DHRS7: variants seen among roughly 807,000 people sequenced by gnomAD.
The protein encoded by DHRS7 is dehydrogenase/reductase SDR family member 7.
Under a neutral mutation model 38.9 loss-of-function variants are expected in DHRS7, and 34 were observed. The observed-to-expected ratio is 0.87, with a 90% CI of 0.66 to 1.16. The LOEUF (loss-of-function observed/expected upper bound fraction) is 1.16. Ranked by LOEUF, DHRS7 falls within the 50% of genes most tolerant of loss-of-function variation. The pLI, the probability that DHRS7 is intolerant of heterozygous loss-of-function variation, is 0.00. For synonymous variants in DHRS7, 158 were observed against 153.1 expected (o/e 1.03, Z -0.24); for missense variants, 421 against 407.0 (o/e 1.03, Z -0.30).
Position 60,156,153 on chromosome 14 carries a change from C to T in DHRS7, c.134-1G>A. On this transcript the variant is annotated splice_acceptor_variant, in intron 1 of 6. Transcript: ENST00000557185. LOFTEE classifies it high-confidence loss of function. ...ACCACCATATCAGTCAGCTCCCATT[C>T]TATGGAAGGAATGTAAATGGAAGGA... 4 of 1,560,944 alleles carry T rather than the reference C, an allele frequency of 2.6e-6. No individual in the cohort carries two copies. Among genetic ancestry groups the T allele is most frequent in the Non-Finnish European group, 3.5e-6 (4 of 1,156,484 alleles).
upstream of DHRS7, among the ~76,000 whole-genome samples, chr14:60,168,323 C>A (rs545016074): frequency 6.6e-6 from 1 of 152,184 alleles, no homozygotes; most frequent in Non-Finnish European, 1.5e-5. Flanking sequence ...CTGTTTCAAA[C>A]TTCCCTTTAT....
At chr14:60,150,975 G>A (rs1378803614) in intron 4 of DHRS7, among the ~76,000 whole-genome samples, 1 of 151,986 alleles carries the variant, frequency 6.6e-6, no homozygotes. Context: ...CTCCAAAAGG[G>A]GTATATGTCC....
Position 60,150,194 on chromosome 14 carries a change from G to C in DHRS7, c.634-7C>G. The C allele has an allele frequency of 4.4e-4, 491 of 1,118,654 alleles. No individual in the cohort carries two copies. Among genetic ancestry groups the C allele is most frequent in the East Asian group, 1.2e-3 (35 of 28,128 alleles). The allele number at this position is 1,118,654 out of a possible 1,614,324, so 69.3% of individuals were successfully genotyped here. A position where few individuals can be genotyped will look rare whatever the true frequency, so the allele number is the denominator to read the frequency against. ...GAAGGCCATTAAAAAAACCCTAACAGACAAAAAAAAAAAAAAAGGAAAAAG... is the reference window on the plus strand; with the variant it reads ...GAAGGCCATTAAAAAAACCCTAACACACAAAAAAAAAAAAAAAGGAAAAAG... On this transcript the variant is annotated splice_region_variant and splice_polypyrimidine_tract_variant and intron_variant, in intron 4 of 6. Transcript: ENST00000557185.
intron 1 of DHRS7, among the ~76,000 whole-genome samples, chr14:60,158,459 A>T (rs1896701670): frequency 6.6e-6 from 1 of 151,828 alleles, no homozygotes; most frequent in Non-Finnish European, 1.5e-5. Flanking sequence ...CACACTCTAG[A>T]GTGAATATCA....
At position 60,153,930 on chromosome 14, in the gene DHRS7, A is replaced by T; in HGVS notation, c.393+29T>A. On this transcript the variant is annotated intron_variant, in intron 3 of 6. Transcript: ENST00000557185. This position sits in a 1 kb window ranked among gnomAD's most constrained non-coding sequence, Gnocchi z 4.4. Reference sequence around the variant, plus strand: ...TCTCTTCTGCAGTTACTTCAAAGCAAGACTATATCAATATAAGATGCTACT... The same window carrying T: ...TCTCTTCTGCAGTTACTTCAAAGCATGACTATATCAATATAAGATGCTACT... 16 of 1,589,978 alleles carry T rather than the reference A, an allele frequency of 1.0e-5. No individual in the cohort carries two copies. Among genetic ancestry groups the T allele is most frequent in the Non-Finnish European group, 1.3e-5 (15 of 1,158,228 alleles).
At position 60,150,189 on chromosome 14, in the gene DHRS7, T is replaced by TA; in HGVS notation, c.634-3dup. On this transcript the variant is annotated splice_polypyrimidine_tract_variant and splice_region_variant and intron_variant, in intron 4 of 6. Transcript: ENST00000557185. ...TGTTCGAAGGCCATTAAAAAAACCCTAACAGACAAAAAAAAAAAAAAAGGA... is the reference window on the plus strand; with the variant it reads ...TGTTCGAAGGCCATTAAAAAAACCCTAAACAGACAAAAAAAAAAAAAAAGGA... 3.3e-6 allele frequency: 4 copies of TA among 1,215,838 alleles called. No homozygotes were observed. The highest frequency in any genetic ancestry group is 2.7e-5 in the South Asian group (1 of 37,644). 75.3% of individuals were successfully genotyped at this position (1,215,838 alleles called of 1,614,324 possible). A position where few individuals can be genotyped will look rare whatever the true frequency, so the allele number is the denominator to read the frequency against.
At chr14:60,167,654 C>G (rs931220538), upstream of DHRS7, among the ~76,000 whole-genome samples, 1 of 152,200 alleles carries the variant, frequency 6.6e-6, no homozygotes, top group Non-Finnish European at 1.5e-5. Flanking sequence ...CCAAGATCGG[C>G]AGTCCCTAGG....
chr14:60,149,005 C>G, intron 6 of DHRS7: 1 of 221,370 alleles, frequency 4.5e-6, no homozygotes, highest in Non-Finnish European at 8.9e-6. Context: ...TAGAGTCTCG[C>G]TCTATCACCC....
rs899140606 is a variant in DHRS7, at chr14:60,153,843, G to A, written c.393+116C>T. 3.0e-5 allele frequency: 24 copies of A among 795,796 alleles called. No individual in the cohort carries two copies. The highest frequency in any genetic ancestry group is 4.8e-5 in the Non-Finnish European group (23 of 474,646). 49.3% of individuals were successfully genotyped at this position (795,796 alleles called of 1,614,324 possible). ...ATTAAGGGGCCCAACTCATGGGCCC[G>A]ATCTCACTGCATGGACCCCACTTGC... On this transcript the variant is annotated intron_variant, in intron 3 of 6. Coordinates refer to ENST00000557185, the MANE Select transcript of DHRS7 (RefSeq NM_016029.4). The surrounding 1 kb of genome is among the most constrained non-coding windows in gnomAD (Gnocchi z 4.4).
rs935408491 is a variant in DHRS7 at position 60,144,720 on chromosome 14, A to G, written c.*246T>C. 2.3e-5 allele frequency: 9 copies of G among 383,608 alleles called. No homozygotes were observed. The highest frequency in any genetic ancestry group is 8.7e-5 in the Admixed American group (2 of 22,918). The allele number at this position is 383,608 out of a possible 1,614,324, so 23.8% of individuals were successfully genotyped here. A position where few individuals can be genotyped will look rare whatever the true frequency, so the allele number is the denominator to read the frequency against. Reference sequence around the variant, plus strand: ...ATCTGTTAACTTAGATTTTAAGCATATGTGCTAAAGTATTTTAAAAGGTTA... The same window carrying G: ...ATCTGTTAACTTAGATTTTAAGCATGTGTGCTAAAGTATTTTAAAAGGTTA... On this transcript the variant is annotated 3_prime_UTR_variant, in exon 7 of 7. Coordinates refer to ENST00000557185, the MANE Select transcript of DHRS7 (RefSeq NM_016029.4).
In DHRS7 at chr14:60,146,016, T is replaced by TATATATATAC. The variant is rs1896397362; in HGVS notation, c.973-1013_973-1004dup. ...TTAGACGCTTATCAATAAGAAAATTTATATATATACATATATATAAAATAT... is the reference window on the plus strand; with the variant it reads ...TTAGACGCTTATCAATAAGAAAATTTATATATATACATATATATACATATATATAAAATAT... On this transcript the variant is annotated intron_variant, in intron 6 of 6. Transcript: ENST00000557185. This position sits in a 1 kb window ranked among gnomAD's most constrained non-coding sequence, Gnocchi z 4.9. The TATATATATAC allele has an allele frequency of 6.7e-6, 1 of 149,598 alleles. No individual in the cohort carries two copies. Among genetic ancestry groups the TATATATATAC allele is most frequent in the African/African-American group, 2.4e-5 (1 of 40,994 alleles). 9.3% of individuals were successfully genotyped at this position (149,598 alleles called of 1,614,324 possible).
At position 60,156,097 on chromosome 14, in the gene DHRS7, A is replaced by G; in HGVS notation, c.189T>C (p.Gly63=). 6.2e-7 allele frequency: 1 copy of G among 1,602,154 alleles called. No homozygotes were observed. The highest frequency in any genetic ancestry group is 8.5e-7 in the Non-Finnish European group (1 of 1,174,164). Residue 63 remains glycine (G), a synonymous_variant, in exon 2 of 7, where the codon GGT becomes GGC. Coordinates refer to ENST00000557185, the MANE Select transcript of DHRS7 (RefSeq NM_016029.4). ...VWVTGASSGI[G]EELAYQLSKL... ...TAGACAACTGGTAAGCCAGCTCCTC[A>G]CCAATTCCACTCGAGGCTCCAGTCA...
intron 1 of DHRS7, among the ~76,000 whole-genome samples, chr14:60,164,314 C>G (rs1408522154): frequency 6.9e-6 from 1 of 145,386 alleles, no homozygotes; most frequent in Non-Finnish European, 1.5e-5. Flanking sequence ...TCCAAGCAAA[C>G]TTTGTAACAT....
intron 1 of DHRS7, 93 bp from the exon 2 acceptor site, chr14:60,156,245 T>C (rs1174820161): frequency 1.8e-6 from 2 of 1,111,220 alleles, no homozygotes; most frequent in East Asian, 2.9e-5. Flanking sequence ...CCTTAAACAA[T>C]ACCACTAAAT....
Position 60,145,071 on chromosome 14 carries a change from AACATT to A in DHRS7, c.973-63_973-59del. ...CCTACTCCTATTTACTCCAGTTTTT[AACATT>A]TAAGTCCTTCTGTTTTGAGGAGCTG... is the stretch of plus-strand genomic sequence containing the variant. On this transcript the variant is annotated intron_variant, in intron 6 of 6. Transcript: ENST00000557185. This position sits in a 1 kb window ranked among gnomAD's most constrained non-coding sequence, Gnocchi z 4.0. The A allele has an allele frequency of 8.2e-7, 1 of 1,218,380 alleles. No individual in the cohort carries two copies. The highest frequency in any genetic ancestry group is 1.1e-6 in the Non-Finnish European group (1 of 891,414). 75.5% of individuals were successfully genotyped at this position (1,218,380 alleles called of 1,614,324 possible). A position where few individuals can be genotyped will look rare whatever the true frequency, so the allele number is the denominator to read the frequency against.
In DHRS7 at chr14:60,153,087, T is replaced by C. The variant is rs778406596; in HGVS notation, c.485A>G (p.Asn162Ser). The C allele has an allele frequency of 1.9e-6, 3 of 1,614,252 alleles. No individual in the cohort carries two copies. The Admixed American group carries it at 5.0e-5, about 27-fold the overall frequency. Residue 162 changes from asparagine (N) to serine (S), a missense_variant, in exon 4 of 7, where the codon AAC (asparagine) becomes AGC (serine). Transcript: ENST00000557185. The surrounding 1 kb of genome is among the most constrained non-coding windows in gnomAD (Gnocchi z 4.4). ...TGTCAAGGACACCGTCCCTAAGTAG[T>C]TAAGCTCTATTAGCTTTCTGTAGAC... ...LDVYRKLIELNYLGTVSLTKC... is the reference protein window; with the variant it reads ...LDVYRKLIELSYLGTVSLTKC...
intron 2 of DHRS7, among the ~76,000 whole-genome samples, chr14:60,155,524 G>A (rs1004561429): frequency 6.6e-6 from 1 of 152,144 alleles, no homozygotes; most frequent in African/African-American, 2.4e-5. Flanking sequence ...ATGTGAATAT[G>A]AAAGTATTAC....
chr14:60,169,421 A>C (rs1230941990), upstream of DHRS7, among the ~76,000 whole-genome samples: 7 of 152,214 alleles, frequency 4.6e-5, no homozygotes. Flanking sequence ...TGTGACTCCC[A>C]AGGATAGGTC....
intron 4 of DHRS7, among the ~76,000 whole-genome samples, chr14:60,152,006 GA>G (rs1158026589): frequency 6.6e-6 from 1 of 152,138 alleles, no homozygotes; most frequent in African/African-American, 2.4e-5. Flanking sequence ...TAAATATGAG[GA>G]AATCATCAGT....
Sources: allele counts gnomAD v4.1 joint callset (sites outside exome capture counted in the v4.1 genomes callset), GRCh38; gene constraint gnomAD v4.1.1; non-coding constraint Gnocchi (gnomAD v3.1); transcripts MANE v1.5; gene names NCBI Gene and HGNC (gene_info 2026-07-23, HGNC 2026-07-21).